Variants in SORCS3 observed in about 807,000 individuals in gnomAD.
The protein encoded by SORCS3 is VPS10 domain-containing receptor SorCS3.
In SORCS3, 57 loss-of-function variants were observed where a neutral mutation model predicts 146.3. That is an observed-to-expected ratio of 0.39 (90% CI 0.31 to 0.49). The LOEUF (loss-of-function observed/expected upper bound fraction) is 0.49, where lower values mean the gene tolerates loss of function less well. SORCS3 is among the 20% of genes least tolerant of loss of function. SORCS3 has a pLI of 0.92. For synonymous variants in SORCS3, 653 were observed against 618.5 expected (o/e 1.06, Z -0.83); for missense variants, 1,341 against 1,575.5 (o/e 0.85, Z 2.52).
chr10:105,034,568 A>T (rs146288822), intron 4 of SORCS3, among the ~76,000 whole-genome samples: 2,231 of 152,252 alleles, frequency 0.015, 47 homozygotes, highest in African/African-American at 0.05. Flanking sequence ...ACTGGGGTAT[A>T]TATATGGGGC....
At chr10:105,030,259 G>A (rs573372543) in intron 4 of SORCS3, among the ~76,000 whole-genome samples, 13 of 152,230 alleles carry the variant, frequency 8.5e-5, no homozygotes, top group Admixed American at 1.3e-4. Flanking sequence ...TCACTTCTGC[G>A]CTTATTGTTA....
At chr10:105,043,010 G>A (rs1589606348) in intron 4 of SORCS3, 45 bp from the exon 5 acceptor site, 1 of 1,544,680 alleles carries the variant, frequency 6.5e-7, no homozygotes, top group East Asian at 2.2e-5. Context: ...TTCATGCCCA[G>A]CAGTGGTTCC....
chr10:104,788,141 G>A (rs139753789), intron 1 of SORCS3, among the ~76,000 whole-genome samples: 2 of 152,308 alleles, frequency 1.3e-5, no homozygotes, highest in South Asian at 2.1e-4. Flanking sequence ...TCTCTCTCCT[G>A]AGGTAGGTTT....
chr10:104,837,890 C>T (rs1035440344), intron 1 of SORCS3, among the ~76,000 whole-genome samples: 6 of 152,132 alleles, frequency 3.9e-5, no homozygotes, highest in African/African-American at 1.2e-4. Context: ...AGGAGCATCA[C>T]GTTAGAGCAG....
At chr10:104,822,177 C>T (rs560445293) in intron 1 of SORCS3, 12 of 491,530 alleles carry the variant, frequency 2.4e-5, no homozygotes, top group African/African-American at 2.4e-4. Flanking sequence ...AGTCAGGTCT[C>T]AGAACTGAGG....
chr10:104,716,514 G>A (rs1033921432), intron 1 of SORCS3, among the ~76,000 whole-genome samples: 9 of 152,050 alleles, frequency 5.9e-5, no homozygotes, highest in Non-Finnish European at 1.5e-5. Context: ...AGATGCCATG[G>A]GGGTCGGGGA....
chr10:105,039,201 G>A lies in SORCS3; in HGVS notation c.955-3854G>A, dbSNP rs541610477. On this transcript the variant is annotated intron_variant, in intron 4 of 26. Coordinates refer to ENST00000369701, the MANE Select transcript of SORCS3 (RefSeq NM_014978.3). ...TGGAGAGGTTTTCAAGATCCAACTCGTGGTAGAATAAAATATGTTTCAGAC... is the reference window on the plus strand; with the variant it reads ...TGGAGAGGTTTTCAAGATCCAACTCATGGTAGAATAAAATATGTTTCAGAC... Among the ~76,000 whole-genome samples, 28 of 152,180 alleles carry A rather than the reference G, an allele frequency of 1.8e-4. No individual in the cohort carries two copies. In the South Asian group the frequency reaches 5.4e-3, roughly 29 times the overall value.
chr10:105,035,458 C>T (rs1256667980), intron 4 of SORCS3, among the ~76,000 whole-genome samples: 1 of 142,688 alleles, frequency 7.0e-6, no homozygotes, highest in East Asian at 2.0e-4. Flanking sequence ...CTGCCCTTCT[C>T]ACCAAGTTTT....
intron 1 of SORCS3, among the ~76,000 whole-genome samples, chr10:104,660,026 A>G (rs553119522): frequency 4.7e-4 from 72 of 152,280 alleles, no homozygotes; most frequent in Admixed American, 2.4e-3. Flanking sequence ...ATGAGCTGGG[A>G]CTTAGCAATA....
At chr10:105,068,364 C>A (rs369019789) in intron 5 of SORCS3, among the ~76,000 whole-genome samples, 1 of 152,152 alleles carries the variant, frequency 6.6e-6, no homozygotes, top group South Asian at 2.1e-4. Context: ...ACCCTCTTGG[C>A]CCCCTTGTTG....
At chr10:105,209,740 G>A (rs2056623208) in intron 16 of SORCS3, among the ~76,000 whole-genome samples, 1 of 152,116 alleles carries the variant, frequency 6.6e-6, no homozygotes, top group Admixed American at 6.6e-5. Flanking sequence ...ATTACATATA[G>A]AAAGATAAAG....
chr10:104,758,424 T>C (rs916580083), intron 1 of SORCS3, among the ~76,000 whole-genome samples: 1 of 152,196 alleles, frequency 6.6e-6, no homozygotes, highest in African/African-American at 2.4e-5. Context: ...ATTTGATACA[T>C]GTTTATCAAG....
rs1349205280 is a variant in SORCS3 at position 105,264,195 on chromosome 10, T to C, written c.*821T>C. On this transcript the variant is annotated 3_prime_UTR_variant, in exon 27 of 27. Coordinates refer to ENST00000369701, the MANE Select transcript of SORCS3 (RefSeq NM_014978.3). ...GCAATTGATAAAGGAAGGACTCTAG[T>C]GACATCATAGAACATGGCAGTCGTT... 4.0e-5 allele frequency: 6 copies of C among 151,828 alleles called. No individual in the cohort carries two copies. Among genetic ancestry groups the C allele is most frequent in the Admixed American group, 3.9e-4 (6 of 15,226 alleles). The allele number at this position is 151,828 out of a possible 1,614,324, so 9.4% of individuals were successfully genotyped here.
chr10:104,751,245 C>T (rs531709340), intron 1 of SORCS3, among the ~76,000 whole-genome samples: 14 of 152,144 alleles, frequency 9.2e-5, no homozygotes, highest in Non-Finnish European at 1.9e-4. Context: ...ATAGGAATGC[C>T]TGGTTATAAG....
At chr10:104,846,088 T>C (rs989799737) in intron 2 of SORCS3, among the ~76,000 whole-genome samples, 4 of 152,160 alleles carry the variant, frequency 2.6e-5, no homozygotes, top group African/African-American at 7.2e-5. Context: ...TTGACCAATA[T>C]CATATATGAG....
chr10:104,933,306 ATT>A (rs57235182), intron 3 of SORCS3, among the ~76,000 whole-genome samples: 252 of 146,326 alleles, frequency 1.7e-3, no homozygotes, highest in African/African-American at 5.4e-3. Flanking sequence ...TCCTCTGGCT[ATT>A]TTTTTTTTTT....
chr10:105,203,580 CT>C (rs1331515333), intron 16 of SORCS3, among the ~76,000 whole-genome samples: 2 of 152,100 alleles, frequency 1.3e-5, no homozygotes, highest in Non-Finnish European at 2.9e-5. Flanking sequence ...GAAATAAGAA[CT>C]GTAAAATATT....
intron 12 of SORCS3, among the ~76,000 whole-genome samples, chr10:105,166,801 C>G (rs987030035): frequency 7.2e-5 from 11 of 152,094 alleles, no homozygotes; most frequent in African/African-American, 1.9e-4. Context: ...AGGAAATTGT[C>G]TTTTAAGTTC....
chr10:105,052,922 G>A (rs1208672858), intron 5 of SORCS3, among the ~76,000 whole-genome samples: 1 of 152,136 alleles, frequency 6.6e-6, no homozygotes, highest in Non-Finnish European at 1.5e-5. Flanking sequence ...GCATTAGTCA[G>A]TGCTGGCTGC....
Sources: gnomAD v4.1 joint callset for allele counts (sites outside exome capture counted in the v4.1 genomes callset) on GRCh38, gnomAD v4.1.1 for gene constraint, MANE v1.5 for transcripts, NCBI Gene and HGNC (gene_info 2026-07-23, HGNC 2026-07-21) for gene names.